The following UTP4 variants were observed in gnomAD, a reference collection of about 807,000 sequenced individuals.
UTP4 encodes UTP4 small subunit processome component.
A neutral mutation model predicts 82.4 loss-of-function variants in UTP4; 45 were observed. The ratio of observed to expected loss-of-function variants is 0.55; its 90% CI spans 0.43 to 0.70. UTP4 has a LOEUF of 0.70. UTP4 is among the 30% of genes least tolerant of loss of function. The pLI is 0.00. For missense variants in UTP4, 819 were observed against 858.3 expected, an observed-to-expected ratio of 0.95 and a Z score of 0.57; for synonymous variants, 348 against 300.3, an observed-to-expected ratio of 1.16 and a Z score of -1.64.
chr16:69,157,786 G>A (rs180846976), intron 12 of UTP4, among the ~76,000 whole-genome samples: 19 of 151,516 alleles, frequency 1.3e-4, no homozygotes, highest in Non-Finnish European at 1.8e-4. Flanking sequence ...TTGTAGAGAC[G>A]GGGTCTCATT....
At chr16:69,138,566 G>A in intron 4 of UTP4, among the ~76,000 whole-genome samples, 1 of 152,196 alleles carries the variant, frequency 6.6e-6, no homozygotes, top group East Asian at 1.9e-4. Context: ...AATCCTTCTG[G>A]TGCATTCAAG....
chr16:69,164,599 T>C (rs1477570460), intron 14 of UTP4, among the ~76,000 whole-genome samples: 2 of 144,058 alleles, frequency 1.4e-5, no homozygotes, highest in African/African-American at 2.6e-5. Flanking sequence ...TATATATATA[T>C]ATATATATAT....
chr16:69,162,351 G>A (rs1006577522), intron 13 of UTP4, among the ~76,000 whole-genome samples: 1 of 152,072 alleles, frequency 6.6e-6, no homozygotes, highest in African/African-American at 2.4e-5. Flanking sequence ...GCCGAGGTGG[G>A]TGGATCATGA....
At position 69,160,105 on chromosome 16, in the gene UTP4, G is replaced by A. The variant is rs182777509; in HGVS notation, c.1445-251G>A. Among the ~76,000 whole-genome samples, 32 of 152,288 alleles carry A rather than the reference G, an allele frequency of 2.1e-4. 1 individual carries two copies. Among genetic ancestry groups the A allele is most frequent in the Admixed American group, 1.6e-3 (24 of 15,294 alleles). ...ATTCTCTATTCCTGTAGTAAGCAGTGTCTTAGGCCTGAGGAAGTAATAACT... is the reference window on the plus strand; with the variant it reads ...ATTCTCTATTCCTGTAGTAAGCAGTATCTTAGGCCTGAGGAAGTAATAACT... On this transcript the variant is annotated intron_variant, in intron 12 of 16. Transcript: ENST00000314423.
At chr16:69,165,671 G>T in intron 15 of UTP4, 145 bp downstream of exon 15, 2 of 753,766 alleles carry the variant, frequency 2.7e-6, no homozygotes, top group Non-Finnish European at 2.3e-6. Flanking sequence ...TTTCTTGGAG[G>T]AGAGGGGCTT....
intron 4 of UTP4, among the ~76,000 whole-genome samples, chr16:69,138,754 G>A (rs1246494271): frequency 6.6e-6 from 1 of 152,126 alleles, no homozygotes; most frequent in Non-Finnish European, 1.5e-5. Flanking sequence ...TGCAAAAGCA[G>A]CCATAGACGA....
intron 8 of UTP4, among the ~76,000 whole-genome samples, chr16:69,152,355 G>T (rs1963294518): frequency 6.6e-6 from 1 of 151,722 alleles, no homozygotes; most frequent in South Asian, 2.1e-4. Flanking sequence ...GTGTAATCTT[G>T]GCTCACTGTA....
chr16:69,160,598 CTTTTTTT>C (rs369908672), intron 13 of UTP4, 136 bp downstream of exon 13: 1 of 576,226 alleles, frequency 1.7e-6, no homozygotes, highest in Non-Finnish European at 3.0e-6. Flanking sequence ...CTTTTCTTTT[CTTTTTTT>C]TTTTTTTTTG....
chr16:69,150,969 CA>C, intron 8 of UTP4, 65 bp downstream of exon 8: 1 of 1,243,722 alleles, frequency 8.0e-7, no homozygotes, highest in Non-Finnish European at 1.2e-6. Context: ...CCCTGTCCCA[CA>C]AGCTCTGAAC....
intron 8 of UTP4, among the ~76,000 whole-genome samples, 196 bp from the exon 9 acceptor site, chr16:69,153,388 A>C (rs1054415964): frequency 6.6e-6 from 1 of 152,224 alleles, no homozygotes; most frequent in Non-Finnish European, 1.5e-5. Flanking sequence ...TGTTGAGAGC[A>C]GTAGCTATGT....
Position 69,160,443 on chromosome 16 carries a change from A to C in UTP4, c.1532A>C (p.Tyr511Ser). 6.2e-7 allele frequency: 1 copy of C among 1,613,868 alleles called. No homozygotes were observed. The highest frequency in any genetic ancestry group is 8.5e-7 in the Non-Finnish European group (1 of 1,179,694). ...GGTACCAGTGCTGGAGTCCATGTCT[A>C]CAACGTAAAACAGCTAAAGGTGAGC... Reference protein sequence around the residue: ...ASGTSAGVHVYNVKQLKLHCT... With the variant: ...ASGTSAGVHVSNVKQLKLHCT... The change falls in exon 13 of 17, where the codon TAC (tyrosine) becomes TCC (serine). Residue 511 changes from tyrosine to serine, a missense_variant. Transcript: ENST00000314423.
intron 6 of UTP4, 42 bp downstream of exon 6, chr16:69,143,431 G>A (rs1963023847): frequency 1.3e-6 from 2 of 1,568,110 alleles, no homozygotes; most frequent in East Asian, 4.5e-5. Context: ...GTACACCCTT[G>A]TGGGGTGAGT....
At chr16:69,163,030 C>G (rs4414485) in intron 13 of UTP4, 53 bp from the exon 14 acceptor site, 1 of 1,341,050 alleles carries the variant, frequency 7.5e-7, no homozygotes, top group Non-Finnish European at 1.1e-6. Flanking sequence ...TCAATCTTTG[C>G]TGAGGAAAAG....
intron 2 of UTP4, among the ~76,000 whole-genome samples, chr16:69,136,093 C>T (rs1252276568): frequency 6.6e-6 from 1 of 152,216 alleles, no homozygotes; most frequent in African/African-American, 2.4e-5. Flanking sequence ...CTTCATTTGC[C>T]TCATGCAATT....
chr16:69,150,709 G>T lies in UTP4; in HGVS notation c.910+1G>T. On this transcript the variant is annotated splice_donor_variant, in intron 7 of 16. Transcript: ENST00000314423. LOFTEE classifies it high-confidence loss of function. ...AGCCCAACAGCGCTGATATCTGGAG[G>T]TGGGTTCCCCCTCTGGTGAGGCTGC... The T allele has an allele frequency of 6.2e-7, 1 of 1,614,218 alleles. No homozygotes were observed. Among genetic ancestry groups the T allele is most frequent in the Non-Finnish European group, 8.5e-7 (1 of 1,180,042 alleles).
chr16:69,157,330 A>G (rs1042947683), intron 12 of UTP4, 90 bp downstream of exon 12: 18 of 1,286,502 alleles, frequency 1.4e-5, no homozygotes, highest in African/African-American at 5.9e-5. Context: ...GGGTTCCCTC[A>G]TGTTCCTCCT....
At chr16:69,149,886 G>A (rs1445705021) in intron 6 of UTP4, among the ~76,000 whole-genome samples, 1 of 151,870 alleles carries the variant, frequency 6.6e-6, no homozygotes, top group Non-Finnish European at 1.5e-5. Context: ...GCGCCACCAC[G>A]CCCAGCTAAT....
At position 69,163,214 on chromosome 16, in the gene UTP4, G is replaced by C. The variant is rs757697283; in HGVS notation, c.1647+36G>C. ...TTCCAGTGCTTTCTATTCCCTTCCT[G>C]CTGGATAGTAACCTAGAAGCTGGAA... On this transcript the variant is annotated intron_variant, in intron 14 of 16. Transcript: ENST00000314423. The C allele has an allele frequency of 1.5e-5, 22 of 1,515,944 alleles. No individual in the cohort carries two copies. In the South Asian group the frequency reaches 2.5e-4, roughly 17 times the overall value. 93.9% of individuals were successfully genotyped at this position (1,515,944 alleles called of 1,614,324 possible).
chr16:69,158,861 C>G (rs1963492528), intron 12 of UTP4, among the ~76,000 whole-genome samples: 2 of 152,124 alleles, frequency 1.3e-5, no homozygotes, highest in South Asian at 4.1e-4. Flanking sequence ...ATGCAGCACG[C>G]ATTTTGGCAT....
Sources: allele counts gnomAD v4.1 joint callset (sites outside exome capture counted in the v4.1 genomes callset), GRCh38; gene constraint gnomAD v4.1.1; transcripts MANE v1.5; gene names NCBI Gene and HGNC (gene_info 2026-07-23, HGNC 2026-07-21).